Variants in NDUFS3 observed in about 807,000 individuals in gnomAD.
NDUFS3 encodes NADH dehydrogenase [ubiquinone] iron-sulfur protein 3, mitochondrial.
Under a neutral mutation model 30.8 loss-of-function variants are expected in NDUFS3, and 19 were observed. That is an observed-to-expected ratio of 0.62 (90% CI 0.43 to 0.91). The LOEUF (loss-of-function observed/expected upper bound fraction) is 0.91. Ranked by LOEUF, NDUFS3 falls within the 40% of genes least tolerant of loss-of-function variation. The pLI, the probability that NDUFS3 is intolerant of heterozygous loss-of-function variation, is 0.00. For missense variants in NDUFS3, 331 were observed against 342.0 expected, an observed-to-expected ratio of 0.97 and a Z score of 0.25; for synonymous variants, 153 against 135.8, an observed-to-expected ratio of 1.13 and a Z score of -0.88.
chr11:47,580,052 G>GACACACAC (rs5791768), intron 2 of NDUFS3, among the ~76,000 whole-genome samples: 1,715 of 147,238 alleles, frequency 0.012, 18 homozygotes, highest in Non-Finnish European at 0.018. Context: ...TTTTCTCATT[G>GACACACAC]ACACACACAC....
chr11:47,583,087 C>T (rs12798028), intron 6 of NDUFS3, among the ~76,000 whole-genome samples: 55,341 of 151,796 alleles, frequency 0.36, 10,419 homozygotes, highest in Middle Eastern at 0.48. Flanking sequence ...TCACTCTTGT[C>T]ACCTAGGATG....
At chr11:47,583,196 A>G (rs979571853) in intron 6 of NDUFS3, among the ~76,000 whole-genome samples, 4 of 151,904 alleles carry the variant, frequency 2.6e-5, no homozygotes, top group Admixed American at 6.6e-5. Flanking sequence ...GACTACAGGC[A>G]TGCACCAACA....
intron 6 of NDUFS3, among the ~76,000 whole-genome samples, chr11:47,583,259 C>G (rs1038659576): frequency 1.3e-5 from 2 of 152,056 alleles, no homozygotes; most frequent in Non-Finnish European, 2.9e-5. Context: ...CCATGTTGCC[C>G]AAACTGGTCT....
At chr11:47,583,200 A>G (rs2097269602) in intron 6 of NDUFS3, among the ~76,000 whole-genome samples, 1 of 151,878 alleles carries the variant, frequency 6.6e-6, no homozygotes, top group African/African-American at 2.4e-5. Context: ...ACAGGCATGC[A>G]CCAACATGCC....
chr11:47,583,803 C>T (rs751846402), intron 6 of NDUFS3, among the ~76,000 whole-genome samples: 1 of 152,222 alleles, frequency 6.6e-6, no homozygotes, highest in Non-Finnish European at 1.5e-5. Context: ...TGCCTCTTCA[C>T]TCTAGCACCT....
At chr11:47,579,456 T>G in intron 2 of NDUFS3, 122 bp downstream of exon 2, 1 of 1,240,244 alleles carries the variant, frequency 8.1e-7, no homozygotes. Context: ...TGACTTGCAG[T>G]GGTCTTCACC....
intron 6 of NDUFS3, among the ~76,000 whole-genome samples, chr11:47,583,286 A>G (rs1279578169): frequency 3.3e-5 from 5 of 152,118 alleles, no homozygotes; most frequent in Non-Finnish European, 7.4e-5. Context: ...CCTGGGCTCA[A>G]GTCATCTGCC....
At position 47,580,875 on chromosome 11, in the gene NDUFS3, A is replaced by G. The variant is rs2153795328; in HGVS notation, c.272A>G (p.Asp91Gly). 6.2e-7 allele frequency: 1 copy of G among 1,614,140 alleles called. No individual in the cohort carries two copies. Among genetic ancestry groups the G allele is most frequent in the South Asian group, 1.1e-5 (1 of 91,090 alleles). ...FNELEVCIHP[D>G]GVIPVLTFLR... ...GAGTTAGAGGTCTGTATCCATCCTG[A>G]TGGCGTCATCCCAGTGCTGACTTTC... The change falls in exon 4 of 7, where the codon GAT becomes GGT. Residue 91 changes from aspartate to glycine, a missense_variant. Physicochemically the swap from Asp to Gly is moderately conservative, Grantham distance 94. Coordinates refer to ENST00000263774, the MANE Select transcript of NDUFS3 (RefSeq NM_004551.3).
chr11:47,582,053 C>T, intron 4 of NDUFS3, 35 bp from the exon 5 acceptor site: 2 of 1,612,336 alleles, frequency 1.2e-6, no homozygotes, highest in Non-Finnish European at 1.7e-6. Context: ...CAGGGACTCC[C>T]ATCTCAGCCC....
intron 6 of NDUFS3, among the ~76,000 whole-genome samples, chr11:47,583,768 C>G (rs1003101537): frequency 6.6e-6 from 1 of 152,210 alleles, no homozygotes; most frequent in Non-Finnish European, 1.5e-5. Context: ...TTTCACCCCA[C>G]TCCTGCTATC....
chr11:47,584,341 G>T lies in NDUFS3; in HGVS notation c.655G>T (p.Val219Leu). ...ELRYDDEVKR[V>L]VAEPVELAQE... ...ACGTTATGATGATGAAGTGAAGCGG[G>T]TGGTGGCAGAGCCGGTGGAGTTGGC... Residue 219 changes from valine (V) to leucine (L), a missense_variant, in exon 7 of 7, where the codon GTG (valine) becomes TTG (leucine). Val to Leu is a conservative substitution (Grantham distance 32, BLOSUM62 1). Transcript: ENST00000263774. 6.2e-7 allele frequency: 1 copy of T among 1,614,130 alleles called. No homozygotes were observed.
chr11:47,579,984 GACACACACACACACAC>G (rs36201718), intron 2 of NDUFS3, among the ~76,000 whole-genome samples: 107 of 139,392 alleles, frequency 7.7e-4, no homozygotes, highest in South Asian at 1.5e-3. Context: ...TTTTCTCATT[GACACACACACACACAC>G]ACACACACAC....
intron 6 of NDUFS3, 148 bp from the exon 7 acceptor site, chr11:47,584,166 T>C: frequency 2.9e-6 from 3 of 1,051,510 alleles, no homozygotes; most frequent in Non-Finnish European, 4.4e-6. Context: ...CAGGTATGGA[T>C]GGAGACTTAC....
intron 6 of NDUFS3, among the ~76,000 whole-genome samples, chr11:47,583,579 T>TA (rs1270598159): frequency 6.6e-6 from 1 of 152,200 alleles, no homozygotes; most frequent in African/African-American, 2.4e-5. Flanking sequence ...TGCAGGAAGA[T>TA]AGTGTGTAAT....
intron 6 of NDUFS3, among the ~76,000 whole-genome samples, chr11:47,582,805 A>C (rs1004864238): frequency 3.3e-5 from 5 of 152,156 alleles, no homozygotes; most frequent in Non-Finnish European, 7.3e-5. Context: ...AGAACAGCCT[A>C]GGCAACATGG....
chr11:47,581,898 G>A, intron 4 of NDUFS3, 190 bp from the exon 5 acceptor site: 2 of 728,206 alleles, frequency 2.7e-6, no homozygotes, highest in South Asian at 3.1e-5. Flanking sequence ...CTGACAAAGT[G>A]AATAGCATGA....
chr11:47,582,257 C>A (rs1332580156), intron 5 of NDUFS3, 44 bp downstream of exon 5: 1 of 1,614,212 alleles, frequency 6.2e-7, no homozygotes, highest in African/African-American at 1.3e-5. Context: ...GCCACAGTTG[C>A]AGAACTGGTT....
At chr11:47,580,673 G>C (rs767199393) in intron 3 of NDUFS3, 51 bp downstream of exon 3, 4 of 1,596,882 alleles carry the variant, frequency 2.5e-6, no homozygotes, top group Non-Finnish European at 3.4e-6. Context: ...AACCATGTTC[G>C]CAGGGCATGT....
At chr11:47,583,911 G>A (rs986647423) in intron 6 of NDUFS3, among the ~76,000 whole-genome samples, 4 of 152,178 alleles carry the variant, frequency 2.6e-5, no homozygotes, top group East Asian at 1.9e-4. Flanking sequence ...CAAGGGCACC[G>A]GGCCTGAGGT....
Sources: gnomAD v4.1 joint callset for allele counts (sites outside exome capture counted in the v4.1 genomes callset) on GRCh38, gnomAD v4.1.1 for gene constraint, MANE v1.5 for transcripts, NCBI Gene and HGNC (gene_info 2026-07-23, HGNC 2026-07-21) for gene names.